RGS3: variants seen among roughly 807,000 people sequenced by gnomAD.
The protein encoded by RGS3 is regulator of G-protein signalling 3.
Under a neutral mutation model 132.6 loss-of-function variants are expected in RGS3, and 80 were observed. The ratio of observed to expected loss-of-function variants is 0.60; its 90% CI spans 0.50 to 0.73. The LOEUF is 0.73. Ranked by LOEUF, RGS3 falls within the 30% of genes least tolerant of loss-of-function variation. The pLI, the probability that RGS3 is intolerant of heterozygous loss-of-function variation, is 0.00. For synonymous variants in RGS3, 598 were observed against 620.6 expected (o/e 0.96, Z 0.54); for missense variants, 1,382 against 1,530.8 (o/e 0.90, Z 1.62).
chr9:113,460,138 A>T, upstream of RGS3: 1 of 964,074 alleles, frequency 1.0e-6, no homozygotes, highest in Non-Finnish European at 1.3e-6. Flanking sequence ...GGTCTATTTT[A>T]CTGAACTTTT....
At chr9:113,464,232 G>A (rs1464874928) in intron 3 of RGS3, among the ~76,000 whole-genome samples, 1 of 152,264 alleles carries the variant, frequency 6.6e-6, no homozygotes, top group Non-Finnish European at 1.5e-5. Context: ...TCTTGTTATA[G>A]CAACTGGAGA....
intron 14 of RGS3, among the ~76,000 whole-genome samples, chr9:113,511,433 A>G (rs1588179382): frequency 6.6e-6 from 1 of 151,682 alleles, no homozygotes; most frequent in Non-Finnish European, 1.5e-5. Context: ...TTACAGAGCC[A>G]CTCCCACTAG....
chr9:113,595,633 T>C, exon 24 of RGS3: 1 of 1,614,156 alleles, frequency 6.2e-7, no homozygotes, highest in Non-Finnish European at 8.5e-7. Context: ...TCCTTCGCAC[T>C]GAGTTCAGTG....
chr9:113,565,615 G>GGAGCTGCCAC lies in RGS3; in HGVS notation c.2038-17834_2038-17825dup. 1 of 275,396 alleles carries GGAGCTGCCAC rather than the reference G, an allele frequency of 3.6e-6. No individual in the cohort carries two copies. The highest frequency in any genetic ancestry group is 7.2e-6 in the Non-Finnish European group (1 of 138,008). 17.1% of individuals were successfully genotyped at this position (275,396 alleles called of 1,614,324 possible). On this transcript the variant is annotated intron_variant, in intron 19 of 24. Coordinates refer to ENST00000350696, the Ensembl canonical transcript of RGS3. The surrounding 1 kb of genome is among the most constrained non-coding windows in gnomAD (Gnocchi z 5.7). ...AGGCAGCCGCTTGACACGGCCGCCA[G>GGAGCTGCCAC]GAGCTGCCACAGCCACGGCCGCCCG...
chr9:113,452,345 C>T (rs1163252055), intron 1 of RGS3, among the ~76,000 whole-genome samples: 1 of 151,434 alleles, frequency 6.6e-6, no homozygotes, highest in Non-Finnish European at 1.5e-5. Flanking sequence ...GCTTCCCTGT[C>T]TTCTGTCACA....
At chr9:113,484,074 T>G (rs1830246427) in intron 5 of RGS3, 64 bp from the exon 4 acceptor site, 5 of 970,394 alleles carry the variant, frequency 5.2e-6, no homozygotes, top group Non-Finnish European at 8.3e-6. Flanking sequence ...ATGTGCAGAG[T>G]CAGCTGCTGG....
intron 19 of RGS3, 28 bp from the exon 18 acceptor site, chr9:113,583,422 C>A: frequency 6.2e-7 from 1 of 1,612,294 alleles, no homozygotes; most frequent in Non-Finnish European, 8.5e-7. Context: ...CTCTTCTGAA[C>A]TGTTCTTGTT....
At position 113,593,787 on chromosome 9, in the gene RGS3, TA is replaced by T. The variant is rs1835570260; in HGVS notation, c.3081-638del. 4 of 866,542 alleles carry T rather than the reference TA, an allele frequency of 4.6e-6. No homozygotes were observed. The South Asian group carries it at 5.0e-5, about 11-fold the overall frequency. 53.7% of individuals were successfully genotyped at this position (866,542 alleles called of 1,614,324 possible). On this transcript the variant is annotated intron_variant, in intron 21 of 24. Transcript: ENST00000350696. ...CTGCCTCCTTGGGGACCGGCAAGGC[TA>T]AAAATGGTTCTTGGCTAAAAATAGC...
intron 10 of RGS3, among the ~76,000 whole-genome samples, chr9:113,503,848 A>G (rs1203518870): frequency 6.6e-6 from 1 of 152,102 alleles, no homozygotes; most frequent in Admixed American, 6.5e-5. Context: ...GGGCCCGGCA[A>G]CTAGTGGCTG....
chr9:113,587,026 A>G (rs1835152765), intron 20 of RGS3, among the ~76,000 whole-genome samples: 1 of 152,148 alleles, frequency 6.6e-6, no homozygotes, highest in Non-Finnish European at 1.5e-5. Context: ...TCGAAGTACC[A>G]CCAGACCCCA....
chr9:113,542,431 G>A (rs752135064), intron 19 of RGS3, among the ~76,000 whole-genome samples: 5 of 152,220 alleles, frequency 3.3e-5, no homozygotes, highest in African/African-American at 1.2e-4. Flanking sequence ...TTACACATAG[G>A]AGGGGCCCAA....
At chr9:113,516,620 A>G (rs966718123) in intron 15 of RGS3, among the ~76,000 whole-genome samples, 2 of 152,058 alleles carry the variant, frequency 1.3e-5, no homozygotes, top group Non-Finnish European at 2.9e-5. Context: ...CGGCCTTCCA[A>G]AGTGCTGGGA....
intron 10 of RGS3, among the ~76,000 whole-genome samples, chr9:113,501,895 G>A (rs1830915573): frequency 6.6e-6 from 1 of 152,192 alleles, no homozygotes. Flanking sequence ...TTTTATCTGG[G>A]GAGGGGCTGT....
At chr9:113,491,124 TTA>T (rs1014882737) in intron 7 of RGS3, among the ~76,000 whole-genome samples, 74 of 143,586 alleles carry the variant, frequency 5.2e-4, no homozygotes, top group Admixed American at 9.1e-4. Context: ...CATATAGAAA[TTA>T]TATATACTAA....
intron 3 of RGS3, among the ~76,000 whole-genome samples, chr9:113,467,849 G>A (rs1277252332): frequency 2.0e-5 from 3 of 151,984 alleles, no homozygotes; most frequent in Admixed American, 6.6e-5. Context: ...TGAGTAGCTG[G>A]TACTACAGAT....
chr9:113,577,049 TCTCGG>T (rs1249045118), intron 19 of RGS3, among the ~76,000 whole-genome samples: 1 of 152,190 alleles, frequency 6.6e-6, no homozygotes, highest in African/African-American at 2.4e-5. Context: ...AGTGGTGCAA[TCTCGG>T]CTCACTGCAA....
intron 3 of RGS3, among the ~76,000 whole-genome samples, chr9:113,466,644 T>C (rs1035168779): frequency 6.6e-6 from 1 of 152,224 alleles, no homozygotes; most frequent in African/African-American, 2.4e-5. Context: ...TTGAAGTCAT[T>C]GTAGGTATAC....
At chr9:113,514,852 A>G (rs1314504433) in intron 15 of RGS3, among the ~76,000 whole-genome samples, 198 bp downstream of exon 13, 2 of 152,146 alleles carry the variant, frequency 1.3e-5, no homozygotes, top group Non-Finnish European at 2.9e-5. Flanking sequence ...CACAGGAAAA[A>G]GTGAGGCCGG....
At chr9:113,495,654 C>A in intron 7 of RGS3, 132 bp from the exon 6 acceptor site, 2 of 751,550 alleles carry the variant, frequency 2.7e-6, no homozygotes, top group Admixed American at 1.9e-5. Context: ...TCAGAAGGAT[C>A]AAACGAGATG....
Sources: gnomAD v4.1 joint callset for allele counts (sites outside exome capture counted in the v4.1 genomes callset) on GRCh38, gnomAD v4.1.1 for gene constraint, Gnocchi (gnomAD v3.1) non-coding constraint, MANE v1.5 for transcripts, NCBI Gene and HGNC (gene_info 2026-07-23, HGNC 2026-07-21) for gene names.